Variants in ACTA2 observed in about 807,000 individuals in gnomAD.
The protein encoded by ACTA2 is actin, aortic smooth muscle.
A neutral mutation model predicts 39.5 loss-of-function variants in ACTA2; 12 were observed. The ratio of observed to expected loss-of-function variants is 0.30; its 90% CI spans 0.19 to 0.49. The LOEUF (loss-of-function observed/expected upper bound fraction) is 0.49, where lower values mean the gene tolerates loss of function less well. Among genes scored for constraint, ACTA2 ranks in the 20% least tolerant of loss-of-function variants. The probability of loss-of-function intolerance (pLI) is 0.99; values close to 1 mark genes in which losing one functional copy is unlikely to be tolerated. For synonymous variants in ACTA2, 158 were observed against 180.6 expected, an observed-to-expected ratio of 0.88 and a Z score of 1.00; for missense variants, 236 against 498.8, an observed-to-expected ratio of 0.47 and a Z score of 5.02.
intron 2 of ACTA2, among the ~76,000 whole-genome samples, chr10:88,947,745 G>T (rs1394289964): frequency 1.3e-5 from 2 of 152,146 alleles, no homozygotes; most frequent in Non-Finnish European, 2.9e-5. Flanking sequence ...TTTGTTGAAA[G>T]AATGTATACA....
intron 6 of ACTA2, 47 bp from the exon 7 acceptor site, chr10:88,939,745 G>A (rs767952687): frequency 6.9e-6 from 11 of 1,603,882 alleles, no homozygotes; most frequent in Non-Finnish European, 1.7e-6. Flanking sequence ...GGTCTGCACA[G>A]GTGGCAAAGA....
intron 1 of ACTA2, chr10:88,975,145 T>C (rs1376662671): frequency 7.9e-6 from 1 of 127,140 alleles, no homozygotes; most frequent in Non-Finnish European, 1.8e-5. Flanking sequence ...CAGAATGCTG[T>C]CAACGATTAA....
chr10:88,935,457 G>A (rs1211937751), intron 8 of ACTA2, 91 bp from the exon 9 acceptor site: 14 of 1,454,528 alleles, frequency 9.6e-6, no homozygotes, highest in Non-Finnish European at 1.3e-5. Context: ...TTCTACCATG[G>A]CCTAGTTTCT....
chr10:88,941,360 G>A lies in ACTA2; in HGVS notation c.485C>T (p.Thr162Ile), dbSNP rs753951062. The A allele has an allele frequency of 6.2e-7, 1 of 1,613,968 alleles. No homozygotes were observed. The highest frequency in any genetic ancestry group is 8.5e-7 in the Non-Finnish European group (1 of 1,179,950). The stretch of plus-strand genomic sequence containing the variant: ...GCCCTCATAGATGGGGACATTGTGG[G>A]TGACACCATCTCCAGAGTCCAGCAC... ...GIVLDSGDGV[T>I]HNVPIYEGYA... Residue 162 changes from threonine to isoleucine, a missense_variant, in exon 6 of 9, where the codon ACC becomes ATC. Coordinates refer to ENST00000224784, the MANE Select transcript of ACTA2 (RefSeq NM_001613.4).
chr10:88,941,657 T>G, intron 5 of ACTA2, 128 bp downstream of exon 5: 1 of 931,170 alleles, frequency 1.1e-6, no homozygotes. Flanking sequence ...AGAAGATCTT[T>G]TAGGGCTGGG....
intron 1 of ACTA2, among the ~76,000 whole-genome samples, chr10:88,962,176 C>T (rs1275879567): frequency 6.6e-6 from 1 of 152,160 alleles, no homozygotes; most frequent in Non-Finnish European, 1.5e-5. Flanking sequence ...AGATCTTCCA[C>T]TTTTTATGAG....
intron 1 of ACTA2, chr10:88,973,171 G>A (rs1846487793): frequency 1.2e-6 from 2 of 1,608,868 alleles, no homozygotes; most frequent in South Asian, 2.2e-5. Context: ...TTTCTTCTGT[G>A]TGACCTATAG....
intron 3 of ACTA2, among the ~76,000 whole-genome samples, chr10:88,944,632 T>C (rs1451523776): frequency 1.3e-5 from 2 of 152,204 alleles, no homozygotes; most frequent in Non-Finnish European, 2.9e-5. Flanking sequence ...GAGAAAAGCT[T>C]CCTCTATCAG....
chr10:88,941,662 G>A, intron 5 of ACTA2, 123 bp downstream of exon 5: 1 of 940,220 alleles, frequency 1.1e-6, no homozygotes, highest in Non-Finnish European at 1.7e-6. Context: ...ATCTTTTAGG[G>A]CTGGGTTCAG....
chr10:88,935,215 A>G lies in ACTA2; in HGVS notation c.*8T>C. ...TGTGCTAGAGACAGAGAGGAGCAGGAAAGTGTTTTAGAAGCATTTGCGGTG... is the reference window on the plus strand; with the variant it reads ...TGTGCTAGAGACAGAGAGGAGCAGGGAAGTGTTTTAGAAGCATTTGCGGTG... On this transcript the variant is annotated 3_prime_UTR_variant, in exon 9 of 9. Coordinates refer to ENST00000224784, the MANE Select transcript of ACTA2 (RefSeq NM_001613.4). 6.2e-7 allele frequency: 1 copy of G among 1,612,728 alleles called. No homozygotes were observed. Among genetic ancestry groups the G allele is most frequent in the South Asian group, 1.1e-5 (1 of 91,038 alleles).
intron 1 of ACTA2, among the ~76,000 whole-genome samples, chr10:88,987,080 T>C (rs898667026): frequency 6.6e-6 from 1 of 152,212 alleles, no homozygotes; most frequent in Non-Finnish European, 1.5e-5. Flanking sequence ...CCCATACATA[T>C]TTCTATTAAT....
chr10:88,955,855 T>G (rs921432860), upstream of ACTA2, among the ~76,000 whole-genome samples: 2 of 152,100 alleles, frequency 1.3e-5, no homozygotes, highest in Non-Finnish European at 2.9e-5. Context: ...TGATTCAGAG[T>G]TGAAATTCCA....
At chr10:88,988,820 A>G (rs1488798941) in intron 1 of ACTA2, among the ~76,000 whole-genome samples, 2 of 152,214 alleles carry the variant, frequency 1.3e-5, no homozygotes, top group Non-Finnish European at 2.9e-5. Context: ...ACCCTTTGAC[A>G]TTAGCATACT....
intron 5 of ACTA2, 135 bp downstream of exon 5, chr10:88,941,650 A>G (rs1385390122): frequency 1.1e-6 from 1 of 888,170 alleles, no homozygotes; most frequent in African/African-American, 1.7e-5. Flanking sequence ...CACTAGAAGA[A>G]GATCTTTTAG....
In ACTA2 at chr10:88,965,618, C is replaced by T. The variant is rs368921174; in HGVS notation, c.-23-16665G>A. On this transcript the variant is annotated intron_variant, in intron 1 of 4. Coordinates refer to the ACTA2 transcript ENST00000415557. ...AAAGCCAATGCACAGAACAGAGGTCCTCGGGCAAACAGGTTGAACCATAGT... is the reference window on the plus strand; with the variant it reads ...AAAGCCAATGCACAGAACAGAGGTCTTCGGGCAAACAGGTTGAACCATAGT... 7.2e-5 allele frequency among the ~76,000 whole-genome samples: 11 copies of T among 152,032 alleles called. No individual in the cohort carries two copies. The East Asian group carries it at 1.7e-3, about 24-fold the overall frequency.
At chr10:88,976,767 AG>A (rs1261898341) in intron 1 of ACTA2, among the ~76,000 whole-genome samples, 4 of 152,246 alleles carry the variant, frequency 2.6e-5, no homozygotes, top group Non-Finnish European at 4.4e-5. Flanking sequence ...ATTTCTTGAA[AG>A]TATTTTTACT....
chr10:88,950,295 A>G (rs1206183270), intron 1 of ACTA2, among the ~76,000 whole-genome samples: 1 of 152,194 alleles, frequency 6.6e-6, no homozygotes, highest in Admixed American at 6.5e-5. Flanking sequence ...TAGGATTTCA[A>G]ATTGAGAAAA....
At chr10:88,935,715 A>G in intron 8 of ACTA2, 2 of 336,698 alleles carry the variant, frequency 5.9e-6, no homozygotes, top group Non-Finnish European at 1.2e-5. Context: ...CTCAGAATTC[A>G]ACACGATACA....
chr10:88,938,278 A>C (rs759071231), intron 7 of ACTA2, 36 bp from the exon 8 acceptor site: 1 of 1,612,368 alleles, frequency 6.2e-7, no homozygotes, highest in Non-Finnish European at 8.5e-7. Context: ...CCTTAAGTGG[A>C]GAGTAAAACC....
Sources: gnomAD v4.1 joint callset for allele counts (sites outside exome capture counted in the v4.1 genomes callset) on GRCh38, gnomAD v4.1.1 for gene constraint, MANE v1.5 for transcripts, NCBI Gene and HGNC (gene_info 2026-07-23, HGNC 2026-07-21) for gene names.